Variants in FOXN3 observed in about 807,000 individuals in gnomAD.
FOXN3 encodes the protein forkhead box protein N3.
Under a neutral mutation model 38.4 loss-of-function variants are expected in FOXN3, and 7 were observed. The observed-to-expected ratio is 0.18, with a 90% confidence interval of 0.10 to 0.34. The LOEUF (loss-of-function observed/expected upper bound fraction) is 0.34, where lower values mean the gene tolerates loss of function less well. Ranked by LOEUF, FOXN3 falls within the 10% of genes least tolerant of loss-of-function variation. The pLI is 1.00. For missense variants in FOXN3, 456 were observed against 613.4 expected (o/e 0.74, Z 2.71); for synonymous variants, 230 against 242.2 (o/e 0.95, Z 0.47).
chr14:89,163,926 C>T lies in FOXN3; in HGVS notation c.852-957G>A, dbSNP rs1404644564. On this transcript the variant is annotated intron_variant, in intron 5 of 5. Transcript: ENST00000557258. The surrounding 1 kb of genome is among the most constrained non-coding windows in gnomAD (Gnocchi z 4.3). ...TTCCCTATAACAAGGTCCCTGCTAC[C>T]CATGCCTATAAGGCGTCTGTAGCAC... Among the ~76,000 whole-genome samples the T allele has an allele frequency of 2.0e-5, 3 of 152,198 alleles. No individual in the cohort carries two copies. The highest frequency in any genetic ancestry group is 2.0e-4 in the Admixed American group (3 of 15,284).
At chr14:89,306,759 A>AT (rs1887391653) in intron 3 of FOXN3, among the ~76,000 whole-genome samples, 1 of 152,266 alleles carries the variant, frequency 6.6e-6, no homozygotes, top group African/African-American at 2.4e-5. Flanking sequence ...GGGTTGGCAA[A>AT]TTATGAACCA....
intron 1 of FOXN3, among the ~76,000 whole-genome samples, chr14:89,450,467 T>C (rs1892592071): frequency 1.3e-5 from 2 of 152,192 alleles, no homozygotes; most frequent in South Asian, 2.1e-4. Context: ...AATATAGGCA[T>C]GTTAAACACC....
chr14:89,463,113 C>T (rs1326633559), intron 1 of FOXN3, among the ~76,000 whole-genome samples: 2 of 151,500 alleles, frequency 1.3e-5, no homozygotes, highest in Middle Eastern at 6.8e-3. Flanking sequence ...CACGGTGAAA[C>T]CCCGTCTCTA....
intron 2 of FOXN3, among the ~76,000 whole-genome samples, chr14:89,352,328 T>C (rs1488115933): frequency 6.6e-6 from 1 of 152,202 alleles, no homozygotes; most frequent in African/African-American, 2.4e-5. Flanking sequence ...CAGTGAGACT[T>C]TGCAAGTAAA....
rs112666270 is a variant in FOXN3, at chr14:89,195,681, G to C, written c.746-14875C>G. On this transcript the variant is annotated intron_variant, in intron 4 of 5. Transcript: ENST00000557258. ...CCCAGTTTATCAGCAAAAGAAAAGA[G>C]AAAGGCATTTTGGCCAGGAACTCTT... Among the ~76,000 whole-genome samples, 1,330 of 152,258 alleles carry C rather than the reference G, an allele frequency of 8.7e-3. 18 individuals are homozygous for C. Among genetic ancestry groups the C allele is most frequent in the African/African-American group, 0.03 (1,247 of 41,538 alleles).
chr14:89,414,504 T>C (rs1891638780), intron 1 of FOXN3, among the ~76,000 whole-genome samples: 2 of 151,144 alleles, frequency 1.3e-5, no homozygotes, highest in South Asian at 4.2e-4. Context: ...AGGTAGAACC[T>C]GCTAGACGCA....
At chr14:89,236,540 C>T (rs1200065446) in intron 4 of FOXN3, among the ~76,000 whole-genome samples, 1 of 152,130 alleles carries the variant, frequency 6.6e-6, no homozygotes, top group Admixed American at 6.5e-5. Context: ...AAGTAGCACG[C>T]AGCCAGCACC....
At chr14:89,297,995 AAAC>A (rs1168484443) in intron 3 of FOXN3, among the ~76,000 whole-genome samples, 18 of 152,144 alleles carry the variant, frequency 1.2e-4, no homozygotes, top group African/African-American at 4.1e-4. Flanking sequence ...TAAAAAAACA[AAAC>A]AACAAGAAGA....
chr14:89,587,697 G>A (rs1262527309), intron 1 of FOXN3, among the ~76,000 whole-genome samples: 4 of 151,792 alleles, frequency 2.6e-5, no homozygotes, highest in African/African-American at 7.3e-5. Flanking sequence ...GGGAAACCTC[G>A]TCTCTACTAA....
chr14:89,503,278 A>G (rs1893840600), intron 1 of FOXN3, among the ~76,000 whole-genome samples: 1 of 152,118 alleles, frequency 6.6e-6, no homozygotes, highest in Non-Finnish European at 1.5e-5. Context: ...TGTTCCTTCT[A>G]TATTATCAAG....
intron 1 of FOXN3, among the ~76,000 whole-genome samples, chr14:89,505,725 C>T (rs1427474646): frequency 2.6e-5 from 4 of 152,012 alleles, no homozygotes; most frequent in African/African-American, 9.7e-5. Context: ...AGCGTCTCTG[C>T]CTGGCCGCCC....
chr14:89,170,594 T>C (rs1887364505), intron 5 of FOXN3, among the ~76,000 whole-genome samples: 1 of 152,140 alleles, frequency 6.6e-6, no homozygotes, highest in Non-Finnish European at 1.5e-5. Context: ...TTTTAAAAAC[T>C]GATATATACT....
chr14:89,585,629 CAGA>C (rs1895825454), intron 1 of FOXN3, among the ~76,000 whole-genome samples: 1 of 151,876 alleles, frequency 6.6e-6, no homozygotes, highest in African/African-American at 2.4e-5. Flanking sequence ...GACATTCTAG[CAGA>C]AGGAGATGGA....
At chr14:89,247,987 T>C (rs1221731399) in intron 4 of FOXN3, among the ~76,000 whole-genome samples, 1 of 152,200 alleles carries the variant, frequency 6.6e-6, no homozygotes, top group Non-Finnish European at 1.5e-5. Flanking sequence ...TCCTCCATGG[T>C]GGCACAATTG....
chr14:89,519,768 C>A (rs1240610955), intron 1 of FOXN3, among the ~76,000 whole-genome samples: 1 of 152,054 alleles, frequency 6.6e-6, no homozygotes, highest in Non-Finnish European at 1.5e-5. Flanking sequence ...AACCTAGGGC[C>A]AGGGATAAAA....
intron 1 of FOXN3, among the ~76,000 whole-genome samples, chr14:89,469,313 G>A (rs1893044966): frequency 6.6e-6 from 1 of 152,126 alleles, no homozygotes; most frequent in African/African-American, 2.4e-5. Flanking sequence ...CCTCTCCAAG[G>A]CATACCCAGT....
chr14:89,217,547 C>A (rs1468514063), intron 4 of FOXN3, among the ~76,000 whole-genome samples: 1 of 152,224 alleles, frequency 6.6e-6, no homozygotes, highest in Non-Finnish European at 1.5e-5. Context: ...TCTAATTCGC[C>A]ATTTCATTCA....
At chr14:89,496,796 G>A (rs1010867862) in intron 1 of FOXN3, among the ~76,000 whole-genome samples, 6 of 151,808 alleles carry the variant, frequency 4.0e-5, no homozygotes, top group East Asian at 3.9e-4. Context: ...CCATTCCCCC[G>A]ACCCCAGCCC....
At chr14:89,302,066 C>G (rs75463730) in intron 3 of FOXN3, among the ~76,000 whole-genome samples, 9,323 of 152,152 alleles carry the variant, frequency 0.061, 410 homozygotes, top group Non-Finnish European at 0.081. Context: ...AAACCCAAAA[C>G]GAAATGGTTG....
Sources: gnomAD v4.1 joint callset for allele counts (sites outside exome capture counted in the v4.1 genomes callset) on GRCh38, gnomAD v4.1.1 for gene constraint, Gnocchi (gnomAD v3.1) non-coding constraint, MANE v1.5 for transcripts, NCBI Gene and HGNC (gene_info 2026-07-23, HGNC 2026-07-21) for gene names.